Variants in EXOSC10 observed in about 807,000 individuals in gnomAD.
EXOSC10 encodes the protein exosome component 10.
A neutral mutation model predicts 126.6 loss-of-function variants in EXOSC10; 94 were observed. The ratio of observed to expected loss-of-function variants is 0.74; its 90% confidence interval spans 0.63 to 0.88. The LOEUF (loss-of-function observed/expected upper bound fraction) is 0.88. Among genes scored for constraint, EXOSC10 ranks in the 40% least tolerant of loss-of-function variants. The pLI, the probability that EXOSC10 is intolerant of heterozygous loss-of-function variation, is 0.00. For missense variants in EXOSC10, 1,041 were observed against 1,100.5 expected, an observed-to-expected ratio of 0.95 and a Z score of 0.77; for synonymous variants, 395 against 400.8, an observed-to-expected ratio of 0.99 and a Z score of 0.17.
At chr1:11,088,603 T>C (rs1640627313) in intron 6 of EXOSC10, among the ~76,000 whole-genome samples, 1 of 152,224 alleles carries the variant, frequency 6.6e-6, no homozygotes, top group African/African-American at 2.4e-5. Context: ...GTTATATTTT[T>C]TCTGATCCTA....
chr1:11,086,595 A>G (rs140436377), intron 9 of EXOSC10, among the ~76,000 whole-genome samples: 9,768 of 152,264 alleles, frequency 0.064, 459 homozygotes, highest in East Asian at 0.15. Flanking sequence ...CAGATGTAAA[A>G]TAACAGAAAT....
At chr1:11,088,084 C>T in intron 7 of EXOSC10, 39 bp downstream of exon 7, 1 of 1,511,000 alleles carries the variant, frequency 6.6e-7, no homozygotes, top group Non-Finnish European at 9.1e-7. Context: ...TCCTCTTGGG[C>T]TACTACACGG....
At chr1:11,087,310 A>C in intron 9 of EXOSC10, 138 bp downstream of exon 9, 1 of 989,938 alleles carries the variant, frequency 1.0e-6, no homozygotes, top group Non-Finnish European at 1.5e-6. Flanking sequence ...AAAGCCATTT[A>C]GCACTGTACC....
At position 11,079,825 on chromosome 1, in the gene EXOSC10, G is replaced by T; in HGVS notation, c.1638-3C>A. 6.2e-7 allele frequency: 1 copy of T among 1,608,228 alleles called. No individual in the cohort carries two copies. Among genetic ancestry groups the T allele is most frequent in the Non-Finnish European group, 8.5e-7 (1 of 1,176,736 alleles). ...AAGCTATGATGCCCTGAGGTTCCCT[G>T]AAGACAAGTAAGAACACACTCAACT... On this transcript the variant is annotated splice_polypyrimidine_tract_variant and splice_region_variant and intron_variant, in intron 13 of 24. Transcript: ENST00000376936.
chr1:11,086,176 G>A (rs924821501), intron 9 of EXOSC10, among the ~76,000 whole-genome samples: 19 of 151,646 alleles, frequency 1.3e-4, no homozygotes, highest in Admixed American at 1.1e-3. Flanking sequence ...CTATTGATTG[G>A]AATAGTTTCA....
rs370705414 is a variant in EXOSC10 at position 11,077,591 on chromosome 1, G to A, written c.1800+10C>T. The A allele has an allele frequency of 1.2e-4, 199 of 1,613,758 alleles. 1 individual carries two copies. Among genetic ancestry groups the A allele is most frequent in the East Asian group, 2.0e-4 (9 of 44,896 alleles). On this transcript the variant is annotated intron_variant, in intron 15 of 24. Transcript: ENST00000376936. ...CCCTCCTGGGGGAGAAAACAGATCC[G>A]ACACTCTACCTCAGCACTGGGCAGC...
At chr1:11,067,452 A>AAAC (rs1171380855) in intron 24 of EXOSC10, among the ~76,000 whole-genome samples, 1 of 147,238 alleles carries the variant, frequency 6.8e-6, no homozygotes, top group African/African-American at 2.5e-5. Context: ...AAAAAAAAAA[A>AAAC]CATTAGCCGG....
rs1640032828 is a variant in EXOSC10, at chr1:11,079,643, CTCA to C, written c.1749+65_1749+67del. On this transcript the variant is annotated intron_variant, in intron 14 of 24. Transcript: ENST00000376936. ...TCCTGACCTGAAATGATCCAGCCAC[CTCA>C]GCCTCCCAAAGTGCTGAGATTATAG... The C allele has an allele frequency of 5.9e-5, 79 of 1,342,988 alleles. 1 individual carries two copies. The South Asian group carries it at 9.6e-4, about 16-fold the overall frequency. 83.2% of individuals were successfully genotyped at this position (1,342,988 alleles called of 1,614,324 possible).
chr1:11,082,498 T>C, intron 10 of EXOSC10, 190 bp downstream of exon 10: 1 of 1,374,766 alleles, frequency 7.3e-7, no homozygotes. Context: ...CATCAGCCCA[T>C]CATAAAGTCC....
rs1640101862 is a variant in EXOSC10 at position 11,080,566 on chromosome 1, ACACACACACACACACACAC to A, written c.1587-36_1587-18del. ...AGTACATATCTGGAAAAAAAAAAACACACACACACACACACACACACACACACACACACACACACGGTGG... is the reference window on the plus strand; with the variant it reads ...AGTACATATCTGGAAAAAAAAAAACAACACACACACACACACACACGGTGG... On this transcript the variant is annotated intron_variant, in intron 12 of 24. Transcript: ENST00000376936. 2.6e-5 allele frequency: 31 copies of A among 1,185,414 alleles called. No individual in the cohort carries two copies. Among genetic ancestry groups the A allele is most frequent in the Non-Finnish European group, 3.1e-5 (28 of 909,254 alleles). 73.4% of individuals were successfully genotyped at this position (1,185,414 alleles called of 1,614,324 possible). A position where few individuals can be genotyped will look rare whatever the true frequency, so the allele number is the denominator to read the frequency against.
chr1:11,085,109 A>G lies in EXOSC10; in HGVS notation c.1090-2231T>C, dbSNP rs369359938. Among the ~76,000 whole-genome samples the G allele has an allele frequency of 1.8e-3, 271 of 152,220 alleles. 3 individuals carry two copies. Among genetic ancestry groups the G allele is most frequent in the African/African-American group, 6.2e-3 (259 of 41,538 alleles). Reference sequence around the variant, plus strand: ...TGGCTTAGGATTGACTTGGCGATGCAGGCTCTTTTTTGGTTCCATATGAAC... The same window carrying G: ...TGGCTTAGGATTGACTTGGCGATGCGGGCTCTTTTTTGGTTCCATATGAAC... On this transcript the variant is annotated intron_variant, in intron 9 of 24. Transcript: ENST00000376936.
intron 6 of EXOSC10, among the ~76,000 whole-genome samples, chr1:11,089,274 T>C (rs1189150246): frequency 8.1e-6 from 1 of 124,216 alleles, no homozygotes; most frequent in Non-Finnish European, 1.8e-5. Context: ...TGAATCCTAA[T>C]AAGAAAGGCA....
chr1:11,085,865 T>G (rs1298018264), intron 9 of EXOSC10, among the ~76,000 whole-genome samples: 1 of 152,234 alleles, frequency 6.6e-6, no homozygotes, highest in Non-Finnish European at 1.5e-5. Flanking sequence ...CTTTTCTGCA[T>G]CTATTGAGAT....
intron 20 of EXOSC10, chr1:11,071,610 C>CCT (rs35990090): frequency 0.59 from 95,087 of 160,700 alleles, 31,484 homozygotes; most frequent in East Asian, 0.73. Flanking sequence ...CACTTCCCCC[C>CCT]GTCTGCTCAG....
At chr1:11,073,261 T>G (rs989288235) in intron 19 of EXOSC10, among the ~76,000 whole-genome samples, 1 of 152,046 alleles carries the variant, frequency 6.6e-6, no homozygotes, top group African/African-American at 2.4e-5. Flanking sequence ...GCCCCCCGAG[T>G]AGCTGGGACT....
chr1:11,088,464 T>C lies in EXOSC10; in HGVS notation c.759-266A>G, dbSNP rs147252550. Among the ~76,000 whole-genome samples, 7 of 152,350 alleles carry C rather than the reference T, an allele frequency of 4.6e-5. No homozygotes were observed. In the East Asian group the frequency reaches 9.6e-4, roughly 21 times the overall value. ...AGCTTTATAAAGATTTGAGTACTTA[T>C]TTGCAAAGTACTGTATAGTTGATGT... On this transcript the variant is annotated intron_variant, in intron 6 of 24. Coordinates refer to ENST00000376936, the MANE Select transcript of EXOSC10 (RefSeq NM_001001998.3).
In EXOSC10 at chr1:11,074,319, C is replaced by G; in HGVS notation, c.1994G>C (p.Ser665Thr). The change falls in exon 18 of 25, where the codon AGT becomes ACT. Residue 665 changes from serine (S) to threonine (T), a missense_variant. Ser to Thr is a moderately conservative substitution (Grantham distance 58). Around this residue, in one of 3 missense-constraint regions of EXOSC10, gnomAD observed 388 missense variants for 415.2 expected, o/e 0.93. Coordinates refer to ENST00000376936, the MANE Select transcript of EXOSC10 (RefSeq NM_001001998.3). ...TAVITLFNEP[S>T]AEDSKKGPLT... ...TGGACCCTTTTTACTGTCTTCAGCA[C>G]TAGGTTCCTGCAGGGACAGACAAAA... The G allele has an allele frequency of 5.0e-6, 8 of 1,613,598 alleles. No individual in the cohort carries two copies. The highest frequency in any genetic ancestry group is 6.8e-6 in the Non-Finnish European group (8 of 1,179,570).
At position 11,076,886 on chromosome 1, in the gene EXOSC10, C is replaced by T; in HGVS notation, c.1942G>A (p.Gly648Ser). 1 of 1,613,884 alleles carries T rather than the reference C, an allele frequency of 6.2e-7. No homozygotes were observed. Among genetic ancestry groups the T allele is most frequent in the Non-Finnish European group, 8.5e-7 (1 of 1,180,026 alleles). The change falls in exon 17 of 25, where the codon GGT becomes AGT. Residue 648 changes from glycine (G) to serine (S), a missense_variant. By Grantham distance (56) the Gly-to-Ser change is moderately conservative (BLOSUM62 0). Around this residue, in one of 3 missense-constraint regions of EXOSC10, gnomAD observed 388 missense variants for 415.2 expected, o/e 0.93. Coordinates refer to ENST00000376936, the MANE Select transcript of EXOSC10 (RefSeq NM_001001998.3). ...GCTGTGGCAATCAGGCATGTGGTAC[C>T]CAGCAAGTTATCTTCTTTTTCATCA... ...FPDEKEDNLL[G>S]TTCLIATAVI...
chr1:11,077,100 T>G (rs1570805261), intron 16 of EXOSC10, 152 bp from the exon 17 acceptor site: 3 of 648,716 alleles, frequency 4.6e-6, no homozygotes, highest in Non-Finnish European at 8.0e-6. Flanking sequence ...CAAGTGATTC[T>G]CCTGCCTCTG....
Sources: allele counts gnomAD v4.1 joint callset (sites outside exome capture counted in the v4.1 genomes callset), GRCh38; gene constraint gnomAD v4.1.1; regional missense constraint gnomAD v4.1.1; transcripts MANE v1.5; gene names NCBI Gene and HGNC (gene_info 2026-07-23, HGNC 2026-07-21).